Variants in CNTNAP2 observed in about 807,000 individuals in gnomAD.
The protein encoded by CNTNAP2 is contactin-associated protein-like 2.
In CNTNAP2, 98 loss-of-function variants were observed where a neutral mutation model predicts 155.2. The observed-to-expected ratio is 0.63, with a 90% confidence interval of 0.54 to 0.75. CNTNAP2 has a LOEUF of 0.75. CNTNAP2 is among the 30% of genes least tolerant of loss of function. The pLI, the probability that CNTNAP2 is intolerant of heterozygous loss-of-function variation, is 0.00. For synonymous variants in CNTNAP2, 651 were observed against 631.2 expected (o/e 1.03, Z -0.47); for missense variants, 1,727 against 1,688.1 (o/e 1.02, Z -0.40).
At chr7:147,119,224 A>G (rs1801051858) in intron 5 of CNTNAP2, among the ~76,000 whole-genome samples, 1 of 152,198 alleles carries the variant, frequency 6.6e-6, no homozygotes, top group Non-Finnish European at 1.5e-5. Flanking sequence ...CAAATGAAAC[A>G]TGTAGAGTAA....
intron 10 of CNTNAP2, among the ~76,000 whole-genome samples, chr7:147,433,708 A>T (rs1797502466): frequency 6.6e-6 from 1 of 152,220 alleles, no homozygotes; most frequent in Non-Finnish European, 1.5e-5. Flanking sequence ...CTACAAAAAA[A>T]TGAGTGCCTG....
chr7:147,556,160 A>G (rs534725414), intron 11 of CNTNAP2, among the ~76,000 whole-genome samples: 15 of 152,300 alleles, frequency 9.8e-5, no homozygotes, highest in Middle Eastern at 3.4e-3. Context: ...TAAAGTCAGT[A>G]TGAAAATTTG....
chr7:147,098,182 G>A (rs925148217), intron 4 of CNTNAP2, among the ~76,000 whole-genome samples: 1 of 152,128 alleles, frequency 6.6e-6, no homozygotes, highest in Non-Finnish European at 1.5e-5. Context: ...CACTAGCACA[G>A]GAGTTATCTT....
chr7:148,207,595 T>A (rs1795472930), intron 18 of CNTNAP2, among the ~76,000 whole-genome samples: 1 of 152,224 alleles, frequency 6.6e-6, no homozygotes, highest in Non-Finnish European at 1.5e-5. Context: ...AAGAATGTAT[T>A]TGCACATACT....
At chr7:148,372,827 A>C (rs1444992480) in intron 21 of CNTNAP2, among the ~76,000 whole-genome samples, 2 of 152,236 alleles carry the variant, frequency 1.3e-5, no homozygotes, top group Non-Finnish European at 2.9e-5. Context: ...TCTAACACTT[A>C]GATTAAAACA....
chr7:146,947,660 T>C (rs1408024451), intron 3 of CNTNAP2, among the ~76,000 whole-genome samples: 3 of 147,862 alleles, frequency 2.0e-5, no homozygotes, highest in Non-Finnish European at 4.5e-5. Context: ...AATTCAAACA[T>C]GTTGGGAGGC....
rs112003438 is a variant in CNTNAP2, at chr7:146,224,819, A to G, written c.97+107846A>G. On this transcript the variant is annotated intron_variant, in intron 1 of 23. Transcript: ENST00000361727. ...ACAAAAACGAAGATTTGGATAATTCATGTGTCTTTTGTTTTGATCTCAGAA... is the reference window on the plus strand; with the variant it reads ...ACAAAAACGAAGATTTGGATAATTCGTGTGTCTTTTGTTTTGATCTCAGAA... Among the ~76,000 whole-genome samples, 758 of 152,244 alleles carry G rather than the reference A, an allele frequency of 5.0e-3. 10 individuals are homozygous for G. Among genetic ancestry groups the G allele is most frequent in the African/African-American group, 0.017 (721 of 41,546 alleles).
intron 3 of CNTNAP2, among the ~76,000 whole-genome samples, chr7:146,901,932 G>A (rs1796011451): frequency 7.2e-6 from 1 of 138,782 alleles, no homozygotes; most frequent in Admixed American, 7.7e-5. Flanking sequence ...CTGGAGTGCA[G>A]TGGTGCGATC....
chr7:146,232,358 C>G (rs1021029184), intron 1 of CNTNAP2, among the ~76,000 whole-genome samples: 5 of 151,488 alleles, frequency 3.3e-5, no homozygotes, highest in Non-Finnish European at 1.5e-5. Context: ...TTTTTCATGA[C>G]ATAGTTTTTC....
intron 18 of CNTNAP2, among the ~76,000 whole-genome samples, chr7:148,208,124 A>G (rs1220894142): frequency 6.6e-6 from 1 of 151,926 alleles, no homozygotes; most frequent in South Asian, 2.1e-4. Context: ...ACAGGTGCCA[A>G]AGTGAAACCC....
intron 1 of CNTNAP2, among the ~76,000 whole-genome samples, chr7:146,636,633 G>A (rs896401228): frequency 1.6e-4 from 25 of 152,226 alleles, no homozygotes; most frequent in African/African-American, 4.6e-4. Flanking sequence ...AACTGAGAAG[G>A]TCAACCACTA....
intron 4 of CNTNAP2, among the ~76,000 whole-genome samples, chr7:147,054,536 A>T (rs756846389): frequency 2.0e-5 from 3 of 152,142 alleles, no homozygotes; most frequent in African/African-American, 7.2e-5. Flanking sequence ...CATTTCACTT[A>T]TAATCCGTTT....
intron 11 of CNTNAP2, among the ~76,000 whole-genome samples, chr7:147,487,354 T>C (rs1436069504): frequency 2.0e-5 from 3 of 152,194 alleles, no homozygotes; most frequent in African/African-American, 7.2e-5. Context: ...TGATTGATAC[T>C]GAAATTAATT....
In CNTNAP2 at chr7:147,562,174, T is replaced by G. The variant is rs763561962; in HGVS notation, c.1814T>G (p.Leu605Arg). 4.3e-6 allele frequency: 7 copies of G among 1,614,032 alleles called. No individual in the cohort carries two copies. In the South Asian group the frequency reaches 7.7e-5, roughly 18 times the overall value. Residue 605 changes from leucine (L) to arginine (R), a missense_variant, in exon 12 of 24, where the codon CTA becomes CGA. Physicochemically the swap from Leu to Arg is moderately radical, Grantham distance 102. Transcript: ENST00000361727. ...YEPSCEAYKH[L>R]GQTSNYYWID... is the part of the protein sequence containing the mutation. ...CCTTCCTGTGAAGCCTACAAACACC[T>G]AGGACAGACATCAAATTATTACTGG... is the stretch of plus-strand genomic sequence containing the variant.
chr7:148,061,321 A>G (rs1219325258), intron 15 of CNTNAP2, among the ~76,000 whole-genome samples: 2 of 152,154 alleles, frequency 1.3e-5, no homozygotes, highest in Non-Finnish European at 2.9e-5. Flanking sequence ...TAAGTATGTA[A>G]GATAGAATTC....
chr7:147,160,381 T>C (rs1000299086), intron 8 of CNTNAP2, among the ~76,000 whole-genome samples: 1 of 152,124 alleles, frequency 6.6e-6, no homozygotes, highest in African/African-American at 2.4e-5. Context: ...GCTCAGAGGA[T>C]AATAATGTTG....
chr7:148,351,692 G>A (rs886203901), intron 21 of CNTNAP2, among the ~76,000 whole-genome samples: 3 of 132,198 alleles, frequency 2.3e-5, no homozygotes, highest in Admixed American at 1.9e-4. Flanking sequence ...GCAGTGAGCC[G>A]AGATCACGCC....
chr7:146,160,939 T>C (rs1240577342), intron 1 of CNTNAP2, among the ~76,000 whole-genome samples: 1 of 152,158 alleles, frequency 6.6e-6, no homozygotes, highest in Non-Finnish European at 1.5e-5. Context: ...TGAATATCGA[T>C]GCAAAAATCC....
rs1796759883 is a variant in CNTNAP2 at position 147,732,463 on chromosome 7, T to A, written c.2098+93157T>A. Among the ~76,000 whole-genome samples the A allele has an allele frequency of 2.0e-5, 3 of 152,136 alleles. No individual in the cohort carries two copies. In the South Asian group the frequency reaches 6.2e-4, roughly 32 times the overall value. The stretch of plus-strand genomic sequence containing the variant: ...GTTGGACATTTGGGTTGGTTCCAAG[T>A]CTTTGCTATTGTGAATAGTGCCACA... On this transcript the variant is annotated intron_variant, in intron 13 of 23. Coordinates refer to ENST00000361727, the MANE Select transcript of CNTNAP2 (RefSeq NM_014141.6).
Sources: allele counts gnomAD v4.1 joint callset (sites outside exome capture counted in the v4.1 genomes callset), GRCh38; gene constraint gnomAD v4.1.1; transcripts MANE v1.5; gene names NCBI Gene and HGNC (gene_info 2026-07-23, HGNC 2026-07-21).